Variants in SEC24B observed in about 807,000 individuals in gnomAD.
The protein encoded by SEC24B is SEC24 homolog B, COPII component.
In SEC24B, 45 loss-of-function variants were observed where a neutral mutation model predicts 142.8. The observed-to-expected ratio is 0.32, with a 90% CI of 0.25 to 0.40. SEC24B has a LOEUF of 0.40. Ranked by LOEUF, SEC24B falls within the 10% of genes least tolerant of loss-of-function variation. SEC24B has a pLI of 1.00. For missense variants in SEC24B, 1,409 were observed against 1,526.8 expected (o/e 0.92, Z 1.29); for synonymous variants, 574 against 568.2 (o/e 1.01, Z -0.15).
In SEC24B at chr4:109,514,436, C is replaced by T. The variant is rs150300276; in HGVS notation, c.2013+580C>T. Among the ~76,000 whole-genome samples the T allele has an allele frequency of 8.7e-3, 1,326 of 152,272 alleles. 23 individuals are homozygous for T. Among genetic ancestry groups the T allele is most frequent in the African/African-American group, 0.03 (1,266 of 41,550 alleles). ...TGTATTGGCTGGGTGTGGTGGCTCA[C>T]GTCTGTAATCCCAGCACTTGCGGAG... On this transcript the variant is annotated intron_variant, in intron 10 of 23. Transcript: ENST00000265175.
At chr4:109,506,723 A>G (rs746331899) in intron 7 of SEC24B, among the ~76,000 whole-genome samples, 1 of 152,084 alleles carries the variant, frequency 6.6e-6, no homozygotes, top group Admixed American at 6.5e-5. Flanking sequence ...CCCATCACCT[A>G]ATGTTAGGGA....
rs749561766 is a variant in SEC24B, at chr4:109,491,411, A to G, written c.1246+4A>G. The stretch of plus-strand genomic sequence containing the variant: ...CTGGAAGGAGGCAGTTACCCAGGTA[A>G]TTTGTTTTGTGCTTGCTTGATCTTC... On this transcript the variant is annotated splice_donor_region_variant and intron_variant, in intron 5 of 23. Coordinates refer to ENST00000265175, the MANE Select transcript of SEC24B (RefSeq NM_006323.5). The G allele has an allele frequency of 1.2e-6, 2 of 1,609,278 alleles. No homozygotes were observed. Among genetic ancestry groups the G allele is most frequent in the Non-Finnish European group, 1.7e-6 (2 of 1,175,848 alleles).
intron 1 of SEC24B, among the ~76,000 whole-genome samples, chr4:109,452,594 G>A (rs1264347738): frequency 2.0e-5 from 3 of 152,094 alleles, no homozygotes; most frequent in Admixed American, 6.5e-5. Context: ...TGATATTTTC[G>A]GTTTTTGATA....
At chr4:109,537,283 G>C (rs1487317339) in intron 22 of SEC24B, among the ~76,000 whole-genome samples, 2 of 152,148 alleles carry the variant, frequency 1.3e-5, no homozygotes, top group Non-Finnish European at 1.5e-5. Context: ...GGACACTGTT[G>C]AGCATTATTG....
At position 109,539,978 on chromosome 4, in the gene SEC24B, A is replaced by T. The variant is rs962905037; in HGVS notation, c.*303A>T. 4.3e-6 allele frequency: 1 copy of T among 234,240 alleles called. No individual in the cohort carries two copies. The highest frequency in any genetic ancestry group is 1.2e-4 in the South Asian group (1 of 8,284). The allele number at this position is 234,240 out of a possible 1,614,324, so 14.5% of individuals were successfully genotyped here. ...TGCAAGCTGGCAAATTTATGTAGCT[A>T]TGTGGAATGATATGTCATAATGTAA... On this transcript the variant is annotated 3_prime_UTR_variant, in exon 24 of 24. Transcript: ENST00000265175.
At chr4:109,534,456 G>A (rs1333352962) in intron 22 of SEC24B, among the ~76,000 whole-genome samples, 2 of 151,820 alleles carry the variant, frequency 1.3e-5, no homozygotes, top group South Asian at 2.1e-4. Flanking sequence ...GCATGGTGGC[G>A]GGCGCCTGTA....
At chr4:109,532,808 T>G (rs975405413) in intron 21 of SEC24B, 65 bp downstream of exon 21, 1 of 806,024 alleles carries the variant, frequency 1.2e-6, no homozygotes, top group Non-Finnish European at 2.1e-6. Flanking sequence ...GAAACACTTA[T>G]AGGGTCCAGC....
intron 3 of SEC24B, among the ~76,000 whole-genome samples, chr4:109,473,527 T>A (rs1253402976): frequency 2.0e-5 from 3 of 152,220 alleles, no homozygotes; most frequent in Non-Finnish European, 4.4e-5. Context: ...AAGCCAAAAC[T>A]TTATTATTTA....
chr4:109,508,949 G>A (rs1737012025), intron 7 of SEC24B, among the ~76,000 whole-genome samples: 1 of 152,208 alleles, frequency 6.6e-6, no homozygotes, highest in Non-Finnish European at 1.5e-5. Flanking sequence ...TGGAATCACA[G>A]AACTTATATT....
chr4:109,485,385 G>T (rs1734249522), intron 4 of SEC24B, among the ~76,000 whole-genome samples: 1 of 152,118 alleles, frequency 6.6e-6, no homozygotes, highest in Non-Finnish European at 1.5e-5. Context: ...AGGTCTTTCT[G>T]CAGAAAAGTA....
Position 109,521,346 on chromosome 4 carries a change from A to C in SEC24B, c.2302-74A>C. On this transcript the variant is annotated intron_variant, in intron 13 of 23. Coordinates refer to ENST00000265175, the MANE Select transcript of SEC24B (RefSeq NM_006323.5). Reference sequence around the variant, plus strand: ...CCAGAAATACAGTGACACATGATACACTATGGAATGTTTTAAAATAAGATT... The same window carrying C: ...CCAGAAATACAGTGACACATGATACCCTATGGAATGTTTTAAAATAAGATT... The C allele has an allele frequency of 3.1e-6, 4 of 1,294,546 alleles. No homozygotes were observed. The South Asian group carries it at 3.7e-5, about 12-fold the overall frequency. The allele number at this position is 1,294,546 out of a possible 1,614,324, so 80.2% of individuals were successfully genotyped here. A position where few individuals can be genotyped will look rare whatever the true frequency, so the allele number is the denominator to read the frequency against.
chr4:109,529,238 C>G (rs892763047), intron 18 of SEC24B, among the ~76,000 whole-genome samples: 1 of 152,064 alleles, frequency 6.6e-6, no homozygotes, highest in African/African-American at 2.4e-5. Context: ...GCTTGTATAT[C>G]AGATTTATTT....
At chr4:109,505,220 C>A (rs576975974) in intron 6 of SEC24B, among the ~76,000 whole-genome samples, 74 of 151,806 alleles carry the variant, frequency 4.9e-4, no homozygotes, top group African/African-American at 1.7e-3. Flanking sequence ...ATATGAAAAA[C>A]AAAATAAAAT....
chr4:109,533,806 G>T, intron 22 of SEC24B, 121 bp downstream of exon 22: 1 of 701,258 alleles, frequency 1.4e-6, no homozygotes, highest in Non-Finnish European at 2.5e-6. Flanking sequence ...ATTACACAGT[G>T]TTTTACAGCC....
chr4:109,463,312 A>G lies in SEC24B; in HGVS notation c.545A>G (p.His182Arg). 1 of 1,614,180 alleles carries G rather than the reference A, an allele frequency of 6.2e-7. No homozygotes were observed. Among genetic ancestry groups the G allele is most frequent in the Non-Finnish European group, 8.5e-7 (1 of 1,180,038 alleles). The part of the protein sequence containing the change: ...ASQGFPSTCG[H>R]YAMSTVSNAA... ...CAGGGATTTCCCTCTACTTGTGGTC[A>G]TTATGCTATGTCAACTGTTTCTAAT... The change falls in exon 2 of 24, where the codon CAT (histidine) becomes CGT (arginine). Residue 182 changes from histidine (H) to arginine (R), a missense_variant. Physicochemically the swap from His to Arg is conservative, Grantham distance 29. Around this residue, in one of 2 missense-constraint regions of SEC24B, gnomAD observed 709 missense variants for 673.5 expected, o/e 1.05. Transcript: ENST00000265175.
intron 1 of SEC24B, among the ~76,000 whole-genome samples, chr4:109,454,278 C>T (rs1384898339): frequency 1.3e-5 from 2 of 152,020 alleles, no homozygotes; most frequent in African/African-American, 4.8e-5. Flanking sequence ...GTAGCTCTCG[C>T]CTATAATCCC....
In SEC24B at chr4:109,526,004, G is replaced by A. The variant is rs574751106; in HGVS notation, c.2792-222G>A. On this transcript the variant is annotated intron_variant, in intron 16 of 23. Coordinates refer to ENST00000265175, the MANE Select transcript of SEC24B (RefSeq NM_006323.5). Reference sequence around the variant, plus strand: ...GTCACATGTGAGAAAATGTAAATAAGGTTAGGTGTCAATACAAGTGAAATG... The same window carrying A: ...GTCACATGTGAGAAAATGTAAATAAAGTTAGGTGTCAATACAAGTGAAATG... Among the ~76,000 whole-genome samples, 206 of 152,166 alleles carry A rather than the reference G, an allele frequency of 1.4e-3. 2 individuals are homozygous for A. Among genetic ancestry groups the A allele is most frequent in the African/African-American group, 4.5e-3 (188 of 41,518 alleles).
chr4:109,476,763 T>G (rs565392042), intron 3 of SEC24B, among the ~76,000 whole-genome samples: 3 of 149,944 alleles, frequency 2.0e-5, no homozygotes, highest in South Asian at 4.1e-4. Flanking sequence ...TCTCATCACA[T>G]GGAACAAGCA....
At chr4:109,448,124 G>T (rs1053956193) in intron 1 of SEC24B, among the ~76,000 whole-genome samples, 18 of 152,192 alleles carry the variant, frequency 1.2e-4, no homozygotes, top group Admixed American at 4.6e-4. Flanking sequence ...TTTAAGGTCA[G>T]TTGATTAACA....
Sources: allele counts gnomAD v4.1 joint callset (sites outside exome capture counted in the v4.1 genomes callset), GRCh38; gene constraint gnomAD v4.1.1; regional missense constraint gnomAD v4.1.1; transcripts MANE v1.5; gene names NCBI Gene and HGNC (gene_info 2026-07-23, HGNC 2026-07-21).